The following ELAVL4 variants were observed in gnomAD, a reference collection of about 807,000 sequenced individuals.
The protein encoded by ELAVL4 is ELAV like RNA binding protein 4.
In ELAVL4, 1 loss-of-function variant was observed where a neutral mutation model predicts 35.6. The observed-to-expected ratio is 0.03, with a 90% CI of 0.01 to 0.13. ELAVL4 has a LOEUF of 0.13. ELAVL4 is among the 10% of genes least tolerant of loss of function. The pLI, the probability that ELAVL4 is intolerant of heterozygous loss-of-function variation, is 1.00. For synonymous variants in ELAVL4, 156 were observed against 171.0 expected (o/e 0.91, Z 0.69); for missense variants, 267 against 464.9 (o/e 0.57, Z 3.91).
rs1250025954 is a variant in ELAVL4 at position 50,202,125 on chromosome 1, A to C, written c.*947A>C. ...GATGATCTTCATATCTTTTCATAGC[A>C]TGTAATAATAATTAAAAAACAATTA... On this transcript the variant is annotated 3_prime_UTR_variant, in exon 7 of 7. Transcript: ENST00000371824. 6.6e-6 allele frequency: 1 copy of C among 152,172 alleles called. No homozygotes were observed. The highest frequency in any genetic ancestry group is 1.5e-5 in the Non-Finnish European group (1 of 68,024). The allele number at this position is 152,172 out of a possible 1,614,324, so 9.4% of individuals were successfully genotyped here. A position where few individuals can be genotyped will look rare whatever the true frequency, so the allele number is the denominator to read the frequency against.
At chr1:50,086,256 T>G (rs1275104592) in intron 1 of ELAVL4, among the ~76,000 whole-genome samples, 1 of 152,016 alleles carries the variant, frequency 6.6e-6, no homozygotes, top group African/African-American at 2.4e-5. Flanking sequence ...TCCTAGTTAT[T>G]TTATGGTTTG....
intron 1 of ELAVL4, among the ~76,000 whole-genome samples, chr1:50,076,118 C>G (rs1664750634): frequency 1.3e-5 from 2 of 152,136 alleles, no homozygotes; most frequent in Admixed American, 1.3e-4. Flanking sequence ...CATGAGCCAC[C>G]GCACCAGGCC....
chr1:50,166,932 C>T (rs1488896818), intron 2 of ELAVL4, among the ~76,000 whole-genome samples: 7 of 152,236 alleles, frequency 4.6e-5, no homozygotes, highest in Non-Finnish European at 8.8e-5. Flanking sequence ...CTGTTGGCAG[C>T]GTTCCTCCCT....
chr1:50,110,446 G>C (rs1666878053), intron 1 of ELAVL4, among the ~76,000 whole-genome samples: 1 of 152,142 alleles, frequency 6.6e-6, no homozygotes, highest in Non-Finnish European at 1.5e-5. Flanking sequence ...TTTCGGATGT[G>C]GAAGGGGAAG....
intron 1 of ELAVL4, among the ~76,000 whole-genome samples, chr1:50,115,704 C>CTGCTT (rs1367283692): frequency 6.6e-6 from 1 of 152,070 alleles, no homozygotes; most frequent in Non-Finnish European, 1.5e-5. Context: ...GAATCTTCTC[C>CTGCTT]TGCTTCTATG....
At chr1:50,130,595 T>A (rs903179868) in intron 1 of ELAVL4, among the ~76,000 whole-genome samples, 4 of 152,186 alleles carry the variant, frequency 2.6e-5, no homozygotes, top group African/African-American at 9.6e-5. Context: ...TTCCCTTTAC[T>A]GAGTGTTTGT....
intron 1 of ELAVL4, among the ~76,000 whole-genome samples, chr1:50,060,441 A>G (rs1663900039): frequency 6.6e-6 from 1 of 152,214 alleles, no homozygotes; most frequent in African/African-American, 2.4e-5. Flanking sequence ...TGCCACAATC[A>G]GGAATCATAA....
chr1:50,201,016 G>A lies in ELAVL4; in HGVS notation c.939G>A (p.Lys313=), dbSNP rs1397954367. The A allele has an allele frequency of 3.7e-6, 6 of 1,613,972 alleles. No homozygotes were observed. In the East Asian group the frequency reaches 1.3e-4, roughly 36 times the overall value. Residue 313 remains lysine, a synonymous_variant, in exon 7 of 7, where the codon AAG becomes AAA. Transcript: ENST00000371824. The surrounding 1 kb of genome is among the most constrained non-coding windows in gnomAD (Gnocchi z 4.3). ...CCTTTGGAGCAGTGAACAACGTAAAGGTGATTCGTGACTTCAACACCAACA... is the reference window on the plus strand; with the variant it reads ...CCTTTGGAGCAGTGAACAACGTAAAAGTGATTCGTGACTTCAACACCAACA... The part of the protein sequence containing the change: ...FGPFGAVNNV[K]VIRDFNTNKC...
At chr1:50,190,304 C>A (rs982722890) in intron 3 of ELAVL4, among the ~76,000 whole-genome samples, 1 of 152,168 alleles carries the variant, frequency 6.6e-6, no homozygotes, top group Non-Finnish European at 1.5e-5. Context: ...TGAAAATTGG[C>A]AATTTTTTGG....
At chr1:50,055,754 GA>G (rs1192562430) in intron 1 of ELAVL4, among the ~76,000 whole-genome samples, 1 of 152,080 alleles carries the variant, frequency 6.6e-6, no homozygotes, top group Non-Finnish European at 1.5e-5. Context: ...GTTATTTATT[GA>G]GCAAATGACT....
At chr1:50,054,829 C>G (rs1165919268) in intron 1 of ELAVL4, among the ~76,000 whole-genome samples, 1 of 152,166 alleles carries the variant, frequency 6.6e-6, no homozygotes, top group Non-Finnish European at 1.5e-5. Flanking sequence ...AGCTCCCTTG[C>G]ACTCTTGCTT....
chr1:50,167,077 T>A (rs1220919987), intron 2 of ELAVL4, among the ~76,000 whole-genome samples: 2 of 152,098 alleles, frequency 1.3e-5, no homozygotes, highest in Non-Finnish European at 2.9e-5. Flanking sequence ...GACCCATGAA[T>A]CCTGGCTATG....
chr1:50,182,917 G>A (rs941821527), intron 3 of ELAVL4, among the ~76,000 whole-genome samples: 1 of 150,704 alleles, frequency 6.6e-6, no homozygotes, highest in South Asian at 2.1e-4. Context: ...GAGTGCAGTG[G>A]TGCAATTCCA....
intron 1 of ELAVL4, chr1:50,110,096 T>G: frequency 8.6e-7 from 1 of 1,161,740 alleles, no homozygotes; most frequent in Non-Finnish European, 1.2e-6. Context: ...CGTTTGTGTG[T>G]GTATGTATGT....
chr1:50,101,383 A>G (rs1317455598), upstream of ELAVL4, among the ~76,000 whole-genome samples: 1 of 152,208 alleles, frequency 6.6e-6, no homozygotes, highest in African/African-American at 2.4e-5. Context: ...TATTTCTCCT[A>G]TTCCAAATTT....
At chr1:50,069,738 C>T (rs1177663899) in intron 1 of ELAVL4, among the ~76,000 whole-genome samples, 3 of 152,152 alleles carry the variant, frequency 2.0e-5, no homozygotes, top group Admixed American at 2.0e-4. Flanking sequence ...ATACTAAGTA[C>T]TTTATACAAA....
chr1:50,182,543 G>T (rs1681210989), intron 3 of ELAVL4, among the ~76,000 whole-genome samples: 1 of 152,176 alleles, frequency 6.6e-6, no homozygotes. Flanking sequence ...TTTGATATTG[G>T]GGTTGGGGAG....
At chr1:50,132,446 CG>C (rs1241259199) in intron 1 of ELAVL4, among the ~76,000 whole-genome samples, 1 of 152,172 alleles carries the variant, frequency 6.6e-6, no homozygotes, top group African/African-American at 2.4e-5. Context: ...GCTTTTAGAA[CG>C]GATCAGTACT....
At chr1:50,122,842 A>G (rs1237223157) in intron 1 of ELAVL4, among the ~76,000 whole-genome samples, 1 of 152,088 alleles carries the variant, frequency 6.6e-6, no homozygotes, top group African/African-American at 2.4e-5. Context: ...AGCAAGTTAT[A>G]TTACCTCTCT....
Sources: gnomAD v4.1 joint callset for allele counts (sites outside exome capture counted in the v4.1 genomes callset) on GRCh38, gnomAD v4.1.1 for gene constraint, Gnocchi (gnomAD v3.1) non-coding constraint, MANE v1.5 for transcripts, NCBI Gene and HGNC (gene_info 2026-07-23, HGNC 2026-07-21) for gene names.